TCF4: variants seen among roughly 807,000 people sequenced by gnomAD.
The protein encoded by TCF4 is SL3-3 enhancer factor 2.
TCF4 carries 3 observed loss-of-function variants against 82.1 expected under a neutral mutation model. That is an observed-to-expected ratio of 0.04 (90% CI 0.02 to 0.09). TCF4 has a LOEUF of 0.09. Among genes scored for constraint, TCF4 ranks in the 10% least tolerant of loss-of-function variants. The pLI is 1.00. For missense variants in TCF4, 518 were observed against 852.7 expected (o/e 0.61, Z 4.89); for synonymous variants, 276 against 309.6 (o/e 0.89, Z 1.14).
At chr18:55,323,615 A>AT (rs1340697185) in intron 8 of TCF4, among the ~76,000 whole-genome samples, 16 of 152,100 alleles carry the variant, frequency 1.1e-4, no homozygotes, top group Non-Finnish European at 1.8e-4. Flanking sequence ...TGCTTTGAGG[A>AT]TTTTTTCCTC....
At chr18:55,249,140 T>C (rs78222363) in intron 15 of TCF4, among the ~76,000 whole-genome samples, 206 of 152,310 alleles carry the variant, frequency 1.4e-3, no homozygotes, top group African/African-American at 2.6e-3. Flanking sequence ...AATGGGCTGA[T>C]TTCCAGGGTA....
chr18:55,434,416 A>ATT (rs764084745), intron 5 of TCF4, among the ~76,000 whole-genome samples: 3 of 83,558 alleles, frequency 3.6e-5, no homozygotes, highest in Non-Finnish European at 6.9e-5. Context: ...AATACAGGAC[A>ATT]TTCTTTTTTT....
At chr18:55,371,244 A>C (rs1603400873) in intron 6 of TCF4, among the ~76,000 whole-genome samples, 1 of 152,204 alleles carries the variant, frequency 6.6e-6, no homozygotes. Context: ...TGGTCTTGGT[A>C]GAAACATGAT....
At chr18:55,616,235 C>A (rs964694714) in intron 2 of TCF4, among the ~76,000 whole-genome samples, 19 of 152,128 alleles carry the variant, frequency 1.2e-4, no homozygotes, top group African/African-American at 4.6e-4. Flanking sequence ...AGTATTTGTC[C>A]TTCTGTGACT....
rs945302385 is a variant in TCF4, at chr18:55,527,784, C to T, written c.145+57496G>A. ...TTAGATTGGCCTCCCCCAAGATTTTCAATTGCCAAGATAAAATTAAAACTG... is the reference window on the plus strand; with the variant it reads ...TTAGATTGGCCTCCCCCAAGATTTTTAATTGCCAAGATAAAATTAAAACTG... On this transcript the variant is annotated intron_variant, in intron 3 of 19. Coordinates refer to ENST00000354452, the MANE Select transcript of TCF4 (RefSeq NM_001083962.2). Among the ~76,000 whole-genome samples, 15 of 152,152 alleles carry T rather than the reference C, an allele frequency of 9.9e-5. No individual in the cohort carries two copies. In the East Asian group the frequency reaches 2.7e-3, roughly 27 times the overall value.
chr18:55,486,887 C>T (rs944000984), intron 3 of TCF4, among the ~76,000 whole-genome samples: 3 of 152,108 alleles, frequency 2.0e-5, no homozygotes, highest in South Asian at 2.1e-4. Flanking sequence ...CCTTTGCCAA[C>T]CCCCTCCCCT....
At chr18:55,362,365 G>GGAAGGAAGGAAA (rs2085479259) in intron 6 of TCF4, among the ~76,000 whole-genome samples, 1 of 88,778 alleles carries the variant, frequency 1.1e-5, no homozygotes, top group African/African-American at 4.9e-5. Flanking sequence ...AAGGAAGGAA[G>GGAAGGAAGGAAA]GAAGGAAGGA....
At chr18:55,243,208 C>T (rs547772092) in intron 15 of TCF4, among the ~76,000 whole-genome samples, 1 of 152,270 alleles carries the variant, frequency 6.6e-6, no homozygotes, top group Non-Finnish European at 1.5e-5. Context: ...GATTTAGATA[C>T]TGTGTATGTG....
At chr18:55,565,821 T>C (rs1387890538) in intron 3 of TCF4, among the ~76,000 whole-genome samples, 1 of 151,290 alleles carries the variant, frequency 6.6e-6, no homozygotes, top group Non-Finnish European at 1.5e-5. Flanking sequence ...TGGATGAAAC[T>C]GGAGGTCACT....
intron 2 of TCF4, among the ~76,000 whole-genome samples, chr18:55,627,518 C>T (rs911238480): frequency 1.1e-4 from 16 of 152,176 alleles, no homozygotes; most frequent in Non-Finnish European, 1.9e-4. Context: ...AATCTCAGCA[C>T]TTTGGGAGGC....
rs1224921033 is a variant in TCF4, at chr18:55,588,081, A to C, written c.-64T>G. On this transcript the variant is annotated 5_prime_UTR_variant, in exon 1 of 20. Transcript: ENST00000354452. ...GGCTCTCCGTGCACCGCCGGCGCCG[A>C]GGCGGCGTTCATGTCTAACCGCCGC... The C allele has an allele frequency of 1.0e-5, 10 of 995,722 alleles. No individual in the cohort carries two copies. The highest frequency in any genetic ancestry group is 1.2e-5 in the Non-Finnish European group (10 of 838,862). The allele number at this position is 995,722 out of a possible 1,614,324, so 61.7% of individuals were successfully genotyped here. A position where few individuals can be genotyped will look rare whatever the true frequency, so the allele number is the denominator to read the frequency against.
At chr18:55,631,575 CT>C (rs144286631) in intron 1 of TCF4, among the ~76,000 whole-genome samples, 6,768 of 152,278 alleles carry the variant, frequency 0.044, 194 homozygotes, top group Non-Finnish European at 0.072. Context: ...TCACTTCTAT[CT>C]GCTGCAAATA....
chr18:55,229,177 T>G, intron 17 of TCF4, 101 bp from the exon 18 acceptor site: 1 of 1,378,104 alleles, frequency 7.3e-7, no homozygotes, highest in Non-Finnish European at 1.0e-6. Context: ...AACTTTTCCA[T>G]CTTATGCCAT....
intron 5 of TCF4, among the ~76,000 whole-genome samples, chr18:55,421,086 G>GA (rs77627188): frequency 1.8e-4 from 26 of 143,970 alleles, no homozygotes; most frequent in South Asian, 4.4e-4. Context: ...AAACTAAAAG[G>GA]AAAAAAAAAA....
At chr18:55,556,646 C>T (rs1250206686) in intron 3 of TCF4, among the ~76,000 whole-genome samples, 1 of 152,206 alleles carries the variant, frequency 6.6e-6, no homozygotes, top group African/African-American at 2.4e-5. Context: ...TAAGCCAATA[C>T]ACCAAACCAC....
chr18:55,300,547 C>T (rs538846384), intron 8 of TCF4, among the ~76,000 whole-genome samples: 1 of 152,182 alleles, frequency 6.6e-6, no homozygotes, highest in Admixed American at 6.5e-5. Flanking sequence ...CTCACCCCTG[C>T]GTTCATTCTA....
chr18:55,241,581 T>G (rs1040248068), intron 15 of TCF4, among the ~76,000 whole-genome samples: 7 of 152,196 alleles, frequency 4.6e-5, no homozygotes, highest in African/African-American at 1.7e-4. Flanking sequence ...CCTGTGAGAG[T>G]GCACAGTCAT....
chr18:55,386,178 C>T (rs567603499), intron 6 of TCF4, among the ~76,000 whole-genome samples: 14 of 152,306 alleles, frequency 9.2e-5, no homozygotes, highest in African/African-American at 2.4e-4. Context: ...GGAGTCCCCA[C>T]GGCTCCGCTG....
At chr18:55,524,555 T>C (rs538673253) in intron 3 of TCF4, among the ~76,000 whole-genome samples, 20 of 152,194 alleles carry the variant, frequency 1.3e-4, no homozygotes, top group Non-Finnish European at 2.1e-4. Context: ...GTAATCAATA[T>C]TGATTAAGTT....
Sources: allele counts gnomAD v4.1 joint callset (sites outside exome capture counted in the v4.1 genomes callset), GRCh38; gene constraint gnomAD v4.1.1; transcripts MANE v1.5; gene names NCBI Gene and HGNC (gene_info 2026-07-23, HGNC 2026-07-21).